The following MIDEAS variants were observed in gnomAD, a reference collection of about 807,000 sequenced individuals.
MIDEAS encodes the protein mitotic deacetylase associated SANT domain protein.
MIDEAS carries 26 observed loss-of-function variants against 102.7 expected under a neutral mutation model. The ratio of observed to expected loss-of-function variants is 0.25; its 90% CI spans 0.19 to 0.35. MIDEAS has a LOEUF of 0.35. Among genes scored for constraint, MIDEAS ranks in the 10% least tolerant of loss-of-function variants. MIDEAS has a pLI of 1.00. For synonymous variants in MIDEAS, 585 were observed against 591.0 expected (o/e 0.99, Z 0.15); for missense variants, 1,231 against 1,435.6 (o/e 0.86, Z 2.30).
intron 1 of MIDEAS, among the ~76,000 whole-genome samples, chr14:73,775,299 C>T (rs2053679954): frequency 6.6e-6 from 1 of 152,118 alleles, no homozygotes; most frequent in African/African-American, 2.4e-5. Flanking sequence ...TTCTGCAGAA[C>T]TTGGGCAGTT....
At chr14:73,764,364 C>A (rs144619683), upstream of MIDEAS, among the ~76,000 whole-genome samples, 493 of 123,384 alleles carry the variant, frequency 4.0e-3, no homozygotes, top group African/African-American at 5.3e-3. Flanking sequence ...AAAAAAAAAA[C>A]AAAACAAAAC....
chr14:73,716,989 G>A lies in MIDEAS; in HGVS notation c.*1854C>T, dbSNP rs2052902295. 1.3e-5 allele frequency: 2 copies of A among 152,636 alleles called. No homozygotes were observed. 9.5% of individuals were successfully genotyped at this position (152,636 alleles called of 1,614,324 possible). On this transcript the variant is annotated 3_prime_UTR_variant, in exon 13 of 13. Transcript: ENST00000423556. ...ACTGAGCTCATGGAAGCCTGTGGAG[G>A]AAACTAACCGGTAAGCTGGGGATCT...
At chr14:73,786,088 A>T (rs1402331116) in intron 1 of MIDEAS, among the ~76,000 whole-genome samples, 1 of 152,214 alleles carries the variant, frequency 6.6e-6, no homozygotes, top group Admixed American at 6.5e-5. Flanking sequence ...GAACTGCACC[A>T]TTCAACCTCT....
chr14:73,727,543 G>T lies in MIDEAS; in HGVS notation c.2096-19C>A. ...GCACTGTCTATGGGACAAAGAGCAGGTTGATAAATAGCACCCCCCTTTCAG... is the reference window on the plus strand; with the variant it reads ...GCACTGTCTATGGGACAAAGAGCAGTTTGATAAATAGCACCCCCCTTTCAG... On this transcript the variant is annotated intron_variant, in intron 4 of 12. Coordinates refer to ENST00000423556, the MANE Select transcript of MIDEAS (RefSeq NM_001367710.1). The T allele has an allele frequency of 6.3e-7, 1 of 1,591,238 alleles. No homozygotes were observed. The highest frequency in any genetic ancestry group is 8.6e-7 in the Non-Finnish European group (1 of 1,167,762).
intron 1 of MIDEAS, among the ~76,000 whole-genome samples, chr14:73,777,819 T>C (rs1484410038): frequency 2.6e-5 from 4 of 151,964 alleles, no homozygotes; most frequent in Non-Finnish European, 5.9e-5. Context: ...AAGTGGCCAG[T>C]CCTCTCCTCT....
chr14:73,730,121 G>A lies in MIDEAS; in HGVS notation c.1750-136C>T, dbSNP rs757639880. The A allele has an allele frequency of 1.9e-5, 18 of 926,746 alleles. 2 individuals carry two copies. The highest frequency in any genetic ancestry group is 1.8e-4 in the South Asian group (13 of 70,664). The allele number at this position is 926,746 out of a possible 1,614,324, so 57.4% of individuals were successfully genotyped here. A position where few individuals can be genotyped will look rare whatever the true frequency, so the allele number is the denominator to read the frequency against. On this transcript the variant is annotated intron_variant, in intron 3 of 12. Coordinates refer to ENST00000423556, the MANE Select transcript of MIDEAS (RefSeq NM_001367710.1). ...CCCACCAAGGCAAGCCTGAAAAAAGGAGCAGGTCCAAAAGCCCTTTTTATC... is the reference window on the plus strand; with the variant it reads ...CCCACCAAGGCAAGCCTGAAAAAAGAAGCAGGTCCAAAAGCCCTTTTTATC...
intron 10 of MIDEAS, 95 bp from the exon 11 acceptor site, chr14:73,721,604 C>G: frequency 1.8e-6 from 2 of 1,123,506 alleles, no homozygotes; most frequent in African/African-American, 1.5e-5. Context: ...CCAGCCCCAG[C>G]TAGTCCTGCT....
chr14:73,729,550 C>T, intron 4 of MIDEAS, 90 bp downstream of exon 4: 1 of 1,083,178 alleles, frequency 9.2e-7, no homozygotes, highest in Non-Finnish European at 1.3e-6. Flanking sequence ...GTGTTCCAGC[C>T]CAATCCCCAG....
Position 73,721,512 on chromosome 14 carries a change from A to T in MIDEAS, c.2725-3T>A, listed in dbSNP as rs111761785. ...ACCCTTGGGAACTTTTGGGAAGTCTATGGGGAACAAGAACAAGGGCAGTGA... is the reference window on the plus strand; with the variant it reads ...ACCCTTGGGAACTTTTGGGAAGTCTTTGGGGAACAAGAACAAGGGCAGTGA... On this transcript the variant is annotated splice_region_variant and splice_polypyrimidine_tract_variant and intron_variant, in intron 10 of 12. Coordinates refer to ENST00000423556, the MANE Select transcript of MIDEAS (RefSeq NM_001367710.1). 1.7e-3 allele frequency: 2,739 copies of T among 1,613,356 alleles called. 4 individuals carry two copies. Among genetic ancestry groups the T allele is most frequent in the Non-Finnish European group, 2.1e-3 (2,429 of 1,179,592 alleles).
chr14:73,737,876 G>A (rs2053223677), intron 2 of MIDEAS, among the ~76,000 whole-genome samples: 1 of 150,514 alleles, frequency 6.6e-6, no homozygotes, highest in Admixed American at 6.6e-5. Context: ...CTGCCTCCCA[G>A]GTTCTAATGA....
Position 73,715,717 on chromosome 14 carries a change from G to A in MIDEAS, c.*3126C>T, listed in dbSNP as rs2052876173. On this transcript the variant is annotated 3_prime_UTR_variant, in exon 13 of 13. Transcript: ENST00000423556. ...AGTGAAAACAACTAAACAGGCTGAG[G>A]CTTGAGTATGTGTTGTATTCCTCCT... 1 of 152,614 alleles carries A rather than the reference G, an allele frequency of 6.6e-6. No homozygotes were observed. Among genetic ancestry groups the A allele is most frequent in the African/African-American group, 2.4e-5 (1 of 41,446 alleles). The allele number at this position is 152,614 out of a possible 1,614,324, so 9.5% of individuals were successfully genotyped here.
At chr14:73,758,125 G>T (rs919231593) in intron 1 of MIDEAS, among the ~76,000 whole-genome samples, 4 of 152,160 alleles carry the variant, frequency 2.6e-5, no homozygotes, top group African/African-American at 9.7e-5. Flanking sequence ...AATTAGAGTG[G>T]AGACTGGACC....
intron 5 of MIDEAS, 161 bp downstream of exon 5, chr14:73,727,297 C>T (rs905551529): frequency 2.9e-5 from 22 of 749,538 alleles, no homozygotes; most frequent in Admixed American, 9.8e-5. Flanking sequence ...AGAGGCAGGG[C>T]GGGGACAGCA....
intron 3 of MIDEAS, chr14:73,730,285 A>C: frequency 2.0e-6 from 1 of 498,324 alleles, no homozygotes; most frequent in Non-Finnish European, 3.7e-6. Flanking sequence ...AACTGTATAA[A>C]ATTGTAACAC....
At chr14:73,764,566 G>A (rs1339756627), upstream of MIDEAS, among the ~76,000 whole-genome samples, 1 of 151,996 alleles carries the variant, frequency 6.6e-6, no homozygotes, top group African/African-American at 2.4e-5. Flanking sequence ...TGTCCTCCCA[G>A]CCTGAGTAGG....
At chr14:73,785,940 G>A (rs1198223970) in intron 1 of MIDEAS, among the ~76,000 whole-genome samples, 2 of 152,184 alleles carry the variant, frequency 1.3e-5, no homozygotes, top group Non-Finnish European at 2.9e-5. Context: ...ATCTATCCTG[G>A]GCATTTGCAG....
At chr14:73,749,497 C>T (rs1181613249) in intron 1 of MIDEAS, among the ~76,000 whole-genome samples, 1 of 150,890 alleles carries the variant, frequency 6.6e-6, no homozygotes, top group Non-Finnish European at 1.5e-5. Flanking sequence ...GTTCATGCCT[C>T]TGCAATCCAG....
chr14:73,726,918 A>G lies in MIDEAS; in HGVS notation c.2217T>C (p.Arg739=). 1.2e-6 allele frequency: 2 copies of G among 1,613,790 alleles called. No homozygotes were observed. The highest frequency in any genetic ancestry group is 1.7e-6 in the Non-Finnish European group (2 of 1,179,746). ...FQAEIPLMRD[R]ALAAADPHKA... is the part of the protein sequence containing the mutation. ...TGTGGGGATCTGCAGCTGCCAGGGC[A>G]CGGTCCCTCATCAAGGGGATTTCTG... Residue 739 remains arginine (R), a synonymous_variant, in exon 6 of 13, where the codon CGT becomes CGC. Coordinates refer to ENST00000423556, the MANE Select transcript of MIDEAS (RefSeq NM_001367710.1).
At position 73,740,041 on chromosome 14, in the gene MIDEAS, C is replaced by T. The variant is rs747828884; in HGVS notation, c.-33G>A. ...CCAACTGAGCCCTGGCGGTGAGATCCCCTTCAACAGTCGCCCATCCCCTGG... is the reference window on the plus strand; with the variant it reads ...CCAACTGAGCCCTGGCGGTGAGATCTCCTTCAACAGTCGCCCATCCCCTGG... On this transcript the variant is annotated 5_prime_UTR_variant, in exon 2 of 13. Transcript: ENST00000423556. 1 of 1,449,680 alleles carries T rather than the reference C, an allele frequency of 6.9e-7. No homozygotes were observed. The highest frequency in any genetic ancestry group is 1.6e-5 in the South Asian group (1 of 61,696). 89.8% of individuals were successfully genotyped at this position (1,449,680 alleles called of 1,614,324 possible). A position where few individuals can be genotyped will look rare whatever the true frequency, so the allele number is the denominator to read the frequency against.
Sources: allele counts gnomAD v4.1 joint callset (sites outside exome capture counted in the v4.1 genomes callset), GRCh38; gene constraint gnomAD v4.1.1; transcripts MANE v1.5; gene names NCBI Gene and HGNC (gene_info 2026-07-23, HGNC 2026-07-21).